PACS1: variants seen among roughly 807,000 people sequenced by gnomAD.
PACS1 encodes PACS-1.
In PACS1, 24 loss-of-function variants were observed where a neutral mutation model predicts 115.0. The observed-to-expected ratio is 0.21, with a 90% CI of 0.15 to 0.29. The LOEUF (loss-of-function observed/expected upper bound fraction) is 0.29, where lower values mean the gene tolerates loss of function less well. PACS1 is among the 10% of genes least tolerant of loss of function. The pLI is 1.00. For missense variants in PACS1, 838 were observed against 1,251.2 expected (o/e 0.67, Z 4.98); for synonymous variants, 453 against 504.5 (o/e 0.90, Z 1.37).
chr11:66,105,856 T>C (rs949812856), intron 1 of PACS1, among the ~76,000 whole-genome samples: 21 of 152,190 alleles, frequency 1.4e-4, no homozygotes, highest in African/African-American at 5.1e-4. Context: ...GGAGTATGCC[T>C]ATAAGCATCC....
At chr11:66,164,764 T>C (rs1859566254) in intron 1 of PACS1, among the ~76,000 whole-genome samples, 1 of 151,382 alleles carries the variant, frequency 6.6e-6, no homozygotes, top group Admixed American at 6.6e-5. Flanking sequence ...AAATTTTTTT[T>C]AAATAACAGT....
intron 1 of PACS1, among the ~76,000 whole-genome samples, chr11:66,165,941 C>T (rs1348645024): frequency 1.3e-5 from 2 of 152,104 alleles, no homozygotes; most frequent in Non-Finnish European, 2.9e-5. Flanking sequence ...TCCTGGGCCA[C>T]GCCACAGCCT....
chr11:66,129,082 G>T (rs994399099), intron 1 of PACS1, among the ~76,000 whole-genome samples: 1 of 152,046 alleles, frequency 6.6e-6, no homozygotes, highest in Non-Finnish European at 1.5e-5. Flanking sequence ...ATTTAAATGT[G>T]TGTATTTTAT....
intron 1 of PACS1, among the ~76,000 whole-genome samples, chr11:66,163,350 CAAAA>C (rs1231541629): frequency 3.4e-5 from 2 of 57,998 alleles, no homozygotes; most frequent in African/African-American, 5.1e-5. Context: ...GACCCTGTCT[CAAAA>C]AAAAAAAAAA....
intron 1 of PACS1, among the ~76,000 whole-genome samples, chr11:66,076,035 C>T (rs1197951528): frequency 1.3e-5 from 2 of 152,006 alleles, no homozygotes; most frequent in African/African-American, 4.8e-5. Context: ...CCGCGCTCAG[C>T]CACATTAAAA....
In PACS1 at chr11:66,216,773, A is replaced by C. The variant is rs1170559658; in HGVS notation, c.976A>C (p.Arg326=). The C allele has an allele frequency of 2.5e-6, 4 of 1,612,818 alleles. No homozygotes were observed. The highest frequency in any genetic ancestry group is 3.4e-6 in the Non-Finnish European group (4 of 1,179,084). The change falls in exon 7 of 24, where the codon AGG becomes CGG. Residue 326 remains arginine, a splice_region_variant and synonymous_variant. Transcript: ENST00000320580. ...RKLTSTSAIT[R]QPNIKQKFVA... ...ACTAACCTCAACCTCTGCCATCACA[A>C]GGGTGAGCCTCAAAGGTCTGGGGAG...
At chr11:66,077,870 T>C (rs1350564854) in intron 1 of PACS1, among the ~76,000 whole-genome samples, 1 of 151,856 alleles carries the variant, frequency 6.6e-6, no homozygotes, top group Non-Finnish European at 1.5e-5. Flanking sequence ...GCATGGATAA[T>C]TTTGTATTTT....
At chr11:66,111,716 C>T (rs1488521665) in intron 1 of PACS1, among the ~76,000 whole-genome samples, 1 of 152,170 alleles carries the variant, frequency 6.6e-6, no homozygotes, top group African/African-American at 2.4e-5. Flanking sequence ...GTAGCGTGAT[C>T]TCTGCTCACT....
chr11:66,071,065 C>G (rs965015654), intron 1 of PACS1, among the ~76,000 whole-genome samples: 5 of 152,196 alleles, frequency 3.3e-5, no homozygotes, highest in Non-Finnish European at 7.4e-5. Context: ...TTCTGTCCTC[C>G]CCGAGGGACC....
In PACS1 at chr11:66,233,117, C is replaced by T. The variant is rs750514027; in HGVS notation, c.1838+51C>T. ...TGCCCTTAGAGATTCCCTCTGACCT[C>T]ATCTTCCAACCCTGACTTCTAAGCA... On this transcript the variant is annotated intron_variant, in intron 15 of 23. Coordinates refer to ENST00000320580, the MANE Select transcript of PACS1 (RefSeq NM_018026.4). The surrounding 1 kb of genome is among the most constrained non-coding windows in gnomAD (Gnocchi z 4.5). The T allele has an allele frequency of 1.3e-5, 17 of 1,331,564 alleles. No individual in the cohort carries two copies. Among genetic ancestry groups the T allele is most frequent in the East Asian group, 9.2e-5 (4 of 43,544 alleles). The allele number at this position is 1,331,564 out of a possible 1,614,324, so 82.5% of individuals were successfully genotyped here. A position where few individuals can be genotyped will look rare whatever the true frequency, so the allele number is the denominator to read the frequency against.
intron 1 of PACS1, among the ~76,000 whole-genome samples, chr11:66,144,121 G>A (rs1444858136): frequency 6.6e-6 from 1 of 152,192 alleles, no homozygotes; most frequent in African/African-American, 2.4e-5. Context: ...CTAAGAGTCA[G>A]AAGTTCTTGA....
At chr11:66,139,286 G>A (rs1028775331) in intron 1 of PACS1, among the ~76,000 whole-genome samples, 1 of 152,096 alleles carries the variant, frequency 6.6e-6, no homozygotes, top group Non-Finnish European at 1.5e-5. Flanking sequence ...AATCACATGA[G>A]GGTAAGTGGG....
chr11:66,163,508 A>C (rs974236818), intron 1 of PACS1, among the ~76,000 whole-genome samples: 1 of 152,146 alleles, frequency 6.6e-6, no homozygotes, highest in East Asian at 1.9e-4. Flanking sequence ...GATTATTCAG[A>C]TCTTAGGTCT....
At chr11:66,098,361 G>C (rs974795728) in intron 1 of PACS1, among the ~76,000 whole-genome samples, 1 of 151,964 alleles carries the variant, frequency 6.6e-6, no homozygotes, top group Admixed American at 6.6e-5. Flanking sequence ...AGTCTGTGAT[G>C]GGGAGGAACT....
intron 1 of PACS1, among the ~76,000 whole-genome samples, chr11:66,138,157 T>C (rs911558714): frequency 6.6e-6 from 1 of 152,070 alleles, no homozygotes; most frequent in Admixed American, 6.5e-5. Flanking sequence ...AGTGGCCTGA[T>C]CATGGCTCAC....
intron 13 of PACS1, 53 bp from the exon 14 acceptor site, chr11:66,232,119 C>T (rs538527139): frequency 4.2e-6 from 5 of 1,190,116 alleles, no homozygotes; most frequent in Admixed American, 1.7e-5. Flanking sequence ...CAGCCCTGTC[C>T]TCAGGCTCCC....
At chr11:66,219,622 A>G in intron 7 of PACS1, 124 bp from the exon 8 acceptor site, 2 of 797,994 alleles carry the variant, frequency 2.5e-6, no homozygotes, top group Non-Finnish European at 4.5e-6. Context: ...GGCAGAGACC[A>G]AGTCCTCCAG....
At chr11:66,174,634 C>G (rs763019949) in intron 1 of PACS1, among the ~76,000 whole-genome samples, 1 of 152,074 alleles carries the variant, frequency 6.6e-6, no homozygotes, top group Non-Finnish European at 1.5e-5. Context: ...ATGAAAGAAG[C>G]CAGACATGTT....
intron 1 of PACS1, among the ~76,000 whole-genome samples, chr11:66,139,653 A>T (rs1308692722): frequency 6.6e-6 from 1 of 152,132 alleles, no homozygotes; most frequent in Non-Finnish European, 1.5e-5. Flanking sequence ...ATCTAGTTCC[A>T]TCCATGTTTC....
Sources: gnomAD v4.1 joint callset for allele counts (sites outside exome capture counted in the v4.1 genomes callset) on GRCh38, gnomAD v4.1.1 for gene constraint, Gnocchi (gnomAD v3.1) non-coding constraint, MANE v1.5 for transcripts, NCBI Gene and HGNC (gene_info 2026-07-23, HGNC 2026-07-21) for gene names.